Variants in PCSK2 observed in about 807,000 individuals in gnomAD.
PCSK2 encodes the protein neuroendocrine convertase 2.
In PCSK2, 14 loss-of-function variants were observed where a neutral mutation model predicts 69.7. The observed-to-expected ratio is 0.20, with a 90% CI of 0.13 to 0.31. PCSK2 has a LOEUF of 0.31. Ranked by LOEUF, PCSK2 falls within the 10% of genes least tolerant of loss-of-function variation. PCSK2 has a pLI of 1.00. For synonymous variants in PCSK2, 307 were observed against 320.7 expected, an observed-to-expected ratio of 0.96 and a Z score of 0.46; for missense variants, 544 against 842.5, an observed-to-expected ratio of 0.65 and a Z score of 4.39.
chr20:17,401,004 A>T (rs536594157), intron 5 of PCSK2, among the ~76,000 whole-genome samples: 1 of 152,174 alleles, frequency 6.6e-6, no homozygotes, highest in African/African-American at 2.4e-5. Flanking sequence ...CATATGGAAG[A>T]ATATCTTTAG....
chr20:17,444,743 G>A (rs1027100619), intron 8 of PCSK2, among the ~76,000 whole-genome samples: 5 of 152,190 alleles, frequency 3.3e-5, no homozygotes, highest in African/African-American at 9.7e-5. Context: ...GCCAGTCATC[G>A]CTGTCAGCAA....
chr20:17,414,231 T>C (rs2031944394), intron 6 of PCSK2, among the ~76,000 whole-genome samples: 2 of 151,836 alleles, frequency 1.3e-5, no homozygotes, highest in African/African-American at 2.4e-5. Flanking sequence ...TCAAAAAAAA[T>C]CGATGAATCC....
intron 2 of PCSK2, among the ~76,000 whole-genome samples, chr20:17,323,832 C>T (rs950902819): frequency 6.6e-6 from 1 of 152,222 alleles, no homozygotes; most frequent in East Asian, 1.9e-4. Context: ...TTGTGTCCCA[C>T]CCACTGTCCT....
intron 2 of PCSK2, among the ~76,000 whole-genome samples, chr20:17,329,885 C>T (rs1330522722): frequency 3.9e-5 from 6 of 151,910 alleles, no homozygotes; most frequent in South Asian, 4.2e-4. Flanking sequence ...CTCCACACCC[C>T]GGAGGTAATC....
rs2032116606 is a variant in PCSK2 at position 17,421,117 on chromosome 20, G to A, written c.621-8318G>A. ...CAGTCAGCTCAAGGTTAAACTCTCT[G>A]TCAAGATTCTAGTGCCTGTGTTTCT... On this transcript the variant is annotated intron_variant, in intron 6 of 11. Coordinates refer to ENST00000262545, the MANE Select transcript of PCSK2 (RefSeq NM_002594.5). Among the ~76,000 whole-genome samples, 4 of 152,206 alleles carry A rather than the reference G, an allele frequency of 2.6e-5. No homozygotes were observed. The South Asian group carries it at 8.3e-4, about 32-fold the overall frequency.
chr20:17,462,092 A>G (rs1018745004), intron 10 of PCSK2, among the ~76,000 whole-genome samples: 2 of 152,072 alleles, frequency 1.3e-5, no homozygotes, highest in African/African-American at 4.8e-5. Context: ...CCCACTGGAG[A>G]TCCATAGAAT....
chr20:17,257,931 A>G (rs1285013129), intron 1 of PCSK2, among the ~76,000 whole-genome samples: 2 of 152,186 alleles, frequency 1.3e-5, no homozygotes, highest in Admixed American at 6.5e-5. Flanking sequence ...TATTTGCCCC[A>G]GTTCATATTG....
At chr20:17,420,550 G>C (rs547141583) in intron 6 of PCSK2, among the ~76,000 whole-genome samples, 1 of 152,194 alleles carries the variant, frequency 6.6e-6, no homozygotes, top group East Asian at 1.9e-4. Flanking sequence ...TTTTCCTTCA[G>C]CTAAAAGGAG....
At chr20:17,436,217 A>T (rs1243279589) in intron 7 of PCSK2, among the ~76,000 whole-genome samples, 1 of 151,706 alleles carries the variant, frequency 6.6e-6, no homozygotes, top group East Asian at 1.9e-4. Flanking sequence ...TCCTGACCCC[A>T]CCCGCTCCTG....
chr20:17,260,041 C>T (rs1987317840), intron 1 of PCSK2, among the ~76,000 whole-genome samples, 199 bp from the exon 2 acceptor site: 1 of 152,058 alleles, frequency 6.6e-6, no homozygotes, highest in South Asian at 2.1e-4. Context: ...GTGGACACCA[C>T]ATGAACAAAG....
chr20:17,258,192 G>A (rs1023801862), intron 1 of PCSK2, among the ~76,000 whole-genome samples: 2 of 152,142 alleles, frequency 1.3e-5, no homozygotes, highest in African/African-American at 4.8e-5. Context: ...TGATTGTGAG[G>A]TTGTTCATGT....
chr20:17,321,683 C>T (rs967582393), intron 2 of PCSK2, among the ~76,000 whole-genome samples: 2 of 152,198 alleles, frequency 1.3e-5, no homozygotes, highest in African/African-American at 4.8e-5. Context: ...TCACTCTCAA[C>T]TGCTAGAGTC....
chr20:17,426,056 C>T (rs1299093805), intron 6 of PCSK2, among the ~76,000 whole-genome samples: 1 of 152,090 alleles, frequency 6.6e-6, no homozygotes. Context: ...ACCAGAATAC[C>T]TAGTTGAATG....
intron 5 of PCSK2, among the ~76,000 whole-genome samples, chr20:17,403,137 T>C (rs1000910555): frequency 1.3e-5 from 2 of 152,138 alleles, no homozygotes; most frequent in African/African-American, 4.8e-5. Context: ...ATGTGTCAAA[T>C]CCACAATGGG....
At chr20:17,290,292 T>G (rs556188474) in intron 2 of PCSK2, among the ~76,000 whole-genome samples, 1 of 152,240 alleles carries the variant, frequency 6.6e-6, no homozygotes, top group Admixed American at 6.5e-5. Context: ...TGTCATCTTT[T>G]GGGAAGTGCT....
intron 5 of PCSK2, among the ~76,000 whole-genome samples, chr20:17,399,155 C>A (rs374891142): frequency 1.5e-4 from 23 of 152,188 alleles, no homozygotes; most frequent in African/African-American, 5.1e-4. Context: ...TGACAAGTGG[C>A]AGGATGGGTA....
intron 8 of PCSK2, among the ~76,000 whole-genome samples, chr20:17,442,049 G>A (rs2032609645): frequency 6.6e-6 from 1 of 151,418 alleles, no homozygotes; most frequent in Admixed American, 6.6e-5. Flanking sequence ...GAACATCTGG[G>A]CACAGATAGG....
intron 11 of PCSK2, among the ~76,000 whole-genome samples, chr20:17,480,753 AG>A (rs1255604942): frequency 6.6e-6 from 1 of 152,222 alleles, no homozygotes; most frequent in Admixed American, 6.5e-5. Flanking sequence ...CACCGTGGGC[AG>A]CTGAGCTCAG....
At chr20:17,431,168 C>T (rs539839545) in intron 7 of PCSK2, among the ~76,000 whole-genome samples, 1 of 152,210 alleles carries the variant, frequency 6.6e-6, no homozygotes, top group East Asian at 1.9e-4. Context: ...GAATGGAGGC[C>T]AACGAAGTGA....
Sources: gnomAD v4.1 joint callset for allele counts (sites outside exome capture counted in the v4.1 genomes callset) on GRCh38, gnomAD v4.1.1 for gene constraint, MANE v1.5 for transcripts, NCBI Gene and HGNC (gene_info 2026-07-23, HGNC 2026-07-21) for gene names.